The following RABGEF1 variants were observed in gnomAD, a reference collection of about 807,000 sequenced individuals.
The protein encoded by RABGEF1 is RAB guanine nucleotide exchange factor 1.
RABGEF1 carries 26 observed loss-of-function variants against 57.3 expected under a neutral mutation model. That is an observed-to-expected ratio of 0.45 (90% CI 0.33 to 0.63). The LOEUF is 0.63. Among genes scored for constraint, RABGEF1 ranks in the 20% least tolerant of loss-of-function variants. RABGEF1 has a pLI of 0.02. For synonymous variants in RABGEF1, 185 were observed against 210.7 expected, an observed-to-expected ratio of 0.88 and a Z score of 1.06; for missense variants, 464 against 607.6, an observed-to-expected ratio of 0.76 and a Z score of 2.48.
At chr7:66,737,926 C>T (rs575876172), upstream of RABGEF1, among the ~76,000 whole-genome samples, 3 of 152,322 alleles carry the variant, frequency 2.0e-5, 1 homozygote, top group South Asian at 6.2e-4. Context: ...CATAGCAGCA[C>T]AGCTGGCTCC....
At chr7:66,704,506 A>G (rs1392909731) in intron 1 of RABGEF1, among the ~76,000 whole-genome samples, 4 of 151,594 alleles carry the variant, frequency 2.6e-5, no homozygotes, top group Admixed American at 2.6e-4. Flanking sequence ...ATGAGGGGTT[A>G]CAATTAAAAT....
At chr7:66,794,883 G>C (rs1175655303) in intron 4 of RABGEF1, among the ~76,000 whole-genome samples, 1 of 152,192 alleles carries the variant, frequency 6.6e-6, no homozygotes, top group Non-Finnish European at 1.5e-5. Flanking sequence ...AAAGCCACCA[G>C]AAATGATTCA....
At chr7:66,679,095 G>C (rs958272574), upstream of RABGEF1, among the ~76,000 whole-genome samples, 1 of 152,154 alleles carries the variant, frequency 6.6e-6, no homozygotes, top group Non-Finnish European at 1.5e-5. Context: ...TTTGGCTTTT[G>C]CTTTGCCTTT....
chr7:66,694,291 A>G (rs1791993866), intron 1 of RABGEF1, among the ~76,000 whole-genome samples: 1 of 152,238 alleles, frequency 6.6e-6, no homozygotes, highest in Non-Finnish European at 1.5e-5. Context: ...AGCTTCACCA[A>G]GGAGGAGTCT....
intron 1 of RABGEF1, among the ~76,000 whole-genome samples, chr7:66,751,394 A>G (rs985820018): frequency 6.6e-6 from 1 of 152,200 alleles, no homozygotes; most frequent in African/African-American, 2.4e-5. Context: ...AAAATCAAGT[A>G]TAAATCATCT....
intron 1 of RABGEF1, among the ~76,000 whole-genome samples, chr7:66,754,104 G>A (rs547900280): frequency 6.7e-6 from 1 of 149,514 alleles, no homozygotes; most frequent in Admixed American, 6.7e-5. Flanking sequence ...CTGGGTTCAA[G>A]CGATTCTCCT....
intron 1 of RABGEF1, among the ~76,000 whole-genome samples, chr7:66,702,347 TTGTGTGTGTGTGTGTG>T (rs58655312): frequency 0.038 from 5,405 of 143,960 alleles, 152 homozygotes; most frequent in East Asian, 0.083. Flanking sequence ...ATTGTTTTGT[TTGTGTGTGTGTGTGTG>T]TGTGTGTGTG....
At chr7:66,795,114 C>T (rs1584202560) in intron 4 of RABGEF1, among the ~76,000 whole-genome samples, 2 of 152,290 alleles carry the variant, frequency 1.3e-5, no homozygotes, top group East Asian at 3.9e-4. Context: ...GGCCCCTCTT[C>T]TTTCTGTGTG....
At chr7:66,675,833 T>A in the RABGEF1 span, among the ~76,000 whole-genome samples, 1 of 152,082 alleles carries the variant, frequency 6.6e-6, no homozygotes, top group East Asian at 1.9e-4. Context: ...TATGACAGCA[T>A]GAAAAAGTAT....
chr7:66,793,754 G>A (rs1332995526), intron 4 of RABGEF1, among the ~76,000 whole-genome samples: 8 of 149,270 alleles, frequency 5.4e-5, no homozygotes, highest in African/African-American at 2.0e-4. Context: ...ATGAGTGCTT[G>A]GCCATTTTTA....
chr7:66,658,782 C>T, the RABGEF1 span, among the ~76,000 whole-genome samples: 1 of 152,114 alleles, frequency 6.6e-6, no homozygotes, highest in Admixed American at 6.5e-5. Context: ...GTCGCCCACG[C>T]TAGAGTGCAG....
upstream of RABGEF1, among the ~76,000 whole-genome samples, chr7:66,739,197 G>A (rs527444150): frequency 6.6e-5 from 10 of 151,714 alleles, no homozygotes; most frequent in Admixed American, 3.3e-4. Flanking sequence ...TGATCTGCCC[G>A]CCTCGGCTTC....
intron 1 of RABGEF1, among the ~76,000 whole-genome samples, chr7:66,697,489 C>T (rs1792526219): frequency 6.6e-6 from 1 of 152,174 alleles, no homozygotes; most frequent in Non-Finnish European, 1.5e-5. Context: ...GCCGCCAGCT[C>T]CCCTCCCTTC....
At chr7:66,782,008 A>G (rs1244017618) in intron 3 of RABGEF1, among the ~76,000 whole-genome samples, 1 of 152,190 alleles carries the variant, frequency 6.6e-6, no homozygotes, top group African/African-American at 2.4e-5. Context: ...TCCAGTTGTT[A>G]AGATAGTAGA....
the RABGEF1 span, among the ~76,000 whole-genome samples, chr7:66,660,382 C>T: frequency 2.7e-5 from 4 of 150,094 alleles, no homozygotes; most frequent in African/African-American, 9.8e-5. Flanking sequence ...AGAAAATGAG[C>T]ACATTACTGT....
At chr7:66,767,681 G>C (rs1806090401) in intron 1 of RABGEF1, among the ~76,000 whole-genome samples, 1 of 152,190 alleles carries the variant, frequency 6.6e-6, no homozygotes, top group African/African-American at 2.4e-5. Flanking sequence ...CCTTATAAGA[G>C]ACTGCAGAGA....
intron 2 of RABGEF1, among the ~76,000 whole-genome samples, chr7:66,733,472 G>C (rs1033344371): frequency 3.3e-5 from 5 of 152,040 alleles, no homozygotes; most frequent in African/African-American, 1.2e-4. Flanking sequence ...GCTGAAGTGG[G>C]CAGATCAGGA....
At chr7:66,764,699 C>G (rs1362550508) in intron 1 of RABGEF1, among the ~76,000 whole-genome samples, 1 of 152,166 alleles carries the variant, frequency 6.6e-6, no homozygotes, top group African/African-American at 2.4e-5. Flanking sequence ...TTTCCCGGCA[C>G]TATTTGGTGA....
At chr7:66,679,226 G>C (rs1256957968), upstream of RABGEF1, among the ~76,000 whole-genome samples, 1 of 152,200 alleles carries the variant, frequency 6.6e-6, no homozygotes, top group Non-Finnish European at 1.5e-5. Flanking sequence ...TTGCATAGGA[G>C]CACAGCTGGC....
Sources: allele counts gnomAD v4.1 joint callset (sites outside exome capture counted in the v4.1 genomes callset), GRCh38; gene constraint gnomAD v4.1.1; transcripts MANE v1.5; gene names NCBI Gene and HGNC (gene_info 2026-07-23, HGNC 2026-07-21).